The following SLC6A3 variants were observed in gnomAD, a reference collection of about 807,000 sequenced individuals.
The protein encoded by SLC6A3 is solute carrier family 6 member 3.
Under a neutral mutation model 70.4 loss-of-function variants are expected in SLC6A3, and 19 were observed. The observed-to-expected ratio is 0.27, with a 90% CI of 0.19 to 0.40. The LOEUF (loss-of-function observed/expected upper bound fraction) is 0.40. Ranked by LOEUF, SLC6A3 falls within the 10% of genes least tolerant of loss-of-function variation. The pLI, the probability that SLC6A3 is intolerant of heterozygous loss-of-function variation, is 1.00. For synonymous variants in SLC6A3, 368 were observed against 356.6 expected, an observed-to-expected ratio of 1.03 and a Z score of -0.36; for missense variants, 613 against 838.5, an observed-to-expected ratio of 0.73 and a Z score of 3.32.
At position 1,425,580 on chromosome 5, in the gene SLC6A3, T is replaced by C. The variant is rs530061933; in HGVS notation, c.654-3566A>G. Among the ~76,000 whole-genome samples, 3 of 152,176 alleles carry C rather than the reference T, an allele frequency of 2.0e-5. No homozygotes were observed. In the East Asian group the frequency reaches 5.8e-4, roughly 29 times the overall value. On this transcript the variant is annotated intron_variant, in intron 4 of 14. Transcript: ENST00000270349. ...AATATAAGGGCTAAAACCATAAAACTCTTGGAAGAGAACATAGGGTAAATT... is the reference window on the plus strand; with the variant it reads ...AATATAAGGGCTAAAACCATAAAACCCTTGGAAGAGAACATAGGGTAAATT...
Position 1,408,119 on chromosome 5 carries a change from C to T in SLC6A3, c.1498+907G>A, listed in dbSNP as rs377126999. 7.9e-5 allele frequency among the ~76,000 whole-genome samples: 12 copies of T among 151,944 alleles called. 1 individual carries two copies. The East Asian group carries it at 1.9e-3, about 24-fold the overall frequency. ...GGGTTCAAGCTGAATCATATTCCAT[C>T]GTAAGTATACCATCAGTGTCTTCAG... is the stretch of plus-strand genomic sequence containing the variant. On this transcript the variant is annotated intron_variant, in intron 11 of 14. Transcript: ENST00000270349. This position sits in a 1 kb window ranked among gnomAD's most constrained non-coding sequence, Gnocchi z 6.4.
In SLC6A3 at chr5:1,393,122, C is replaced by G. The variant is rs537076053; in HGVS notation, c.*1613G>C. 8.2e-6 allele frequency: 1 copy of G among 122,372 alleles called. No homozygotes were observed. Among genetic ancestry groups the G allele is most frequent in the East Asian group, 2.4e-4 (1 of 4,120 alleles). 7.6% of individuals were successfully genotyped at this position (122,372 alleles called of 1,614,324 possible). On this transcript the variant is annotated 3_prime_UTR_variant, in exon 15 of 15. Transcript: ENST00000270349. ...CTAACTGCAGCTGCCTGGCAGTTCACAGGCTGACGGCTCCCACCGAGCATT... is the reference window on the plus strand; with the variant it reads ...CTAACTGCAGCTGCCTGGCAGTTCAGAGGCTGACGGCTCCCACCGAGCATT...
chr5:1,417,862 T>A (rs779115282), intron 6 of SLC6A3, among the ~76,000 whole-genome samples: 10 of 152,208 alleles, frequency 6.6e-5, no homozygotes, highest in Non-Finnish European at 1.2e-4. Flanking sequence ...CAGGTGGGTC[T>A]CAGGGCATCC....
intron 4 of SLC6A3, among the ~76,000 whole-genome samples, 154 bp from the exon 5 acceptor site, chr5:1,422,168 C>T (rs1756451920): frequency 1.3e-5 from 2 of 152,342 alleles, no homozygotes; most frequent in South Asian, 4.1e-4. Flanking sequence ...GGAGGTCTGG[C>T]CCACAGGCCC....
chr5:1,416,572 C>T, intron 6 of SLC6A3: 1 of 292,994 alleles, frequency 3.4e-6, no homozygotes, highest in African/African-American at 2.2e-5. Context: ...ACAGCACGGC[C>T]TCATCTACAC....
At chr5:1,429,402 C>G (rs111549576) in intron 4 of SLC6A3, among the ~76,000 whole-genome samples, 1 of 152,234 alleles carries the variant, frequency 6.6e-6, no homozygotes, top group Non-Finnish European at 1.5e-5. Context: ...CGTGCCAGTG[C>G]GGACAGGGCT....
In SLC6A3 at chr5:1,394,741, C is replaced by T; in HGVS notation, c.1857G>A (p.Lys619=). The T allele has an allele frequency of 1.2e-6, 2 of 1,614,164 alleles. No homozygotes were observed. The highest frequency in any genetic ancestry group is 1.7e-6 in the Non-Finnish European group (2 of 1,180,016). Residue 619 remains lysine, a synonymous_variant, in exon 15 of 15, where the codon AAG becomes AAA. Transcript: ENST00000270349. The surrounding 1 kb of genome is among the most constrained non-coding windows in gnomAD (Gnocchi z 4.7). ...GTCTTCGTCTCTGCTCCCTCTACAC[C>T]TTGAGCCAGTGGCGGAGCTGGAAAG... The part of the protein sequence containing the change: ...VRQFTLRHWL[K]V
chr5:1,410,633 G>A (rs1490118517), intron 9 of SLC6A3, among the ~76,000 whole-genome samples: 2 of 152,156 alleles, frequency 1.3e-5, no homozygotes, highest in Non-Finnish European at 2.9e-5. Context: ...ATTGGTAGGT[G>A]CCAGGAACTT....
intron 4 of SLC6A3, among the ~76,000 whole-genome samples, chr5:1,422,324 C>G (rs1756456553): frequency 2.0e-5 from 3 of 152,104 alleles, no homozygotes; most frequent in South Asian, 2.1e-4. Flanking sequence ...AAAGGAGCCA[C>G]AGAAACCAAA....
At position 1,404,372 on chromosome 5, in the gene SLC6A3, C is replaced by T. The variant is rs143237357; in HGVS notation, c.1600-1283G>A. The stretch of plus-strand genomic sequence containing the variant: ...CCTGAGCATGCTTTAAAGAGCCACG[C>T]GTGCATCCCTGGACATGTCGGGCTT... On this transcript the variant is annotated intron_variant, in intron 12 of 14. Coordinates refer to ENST00000270349, the MANE Select transcript of SLC6A3 (RefSeq NM_001044.5). This position sits in a 1 kb window ranked among gnomAD's most constrained non-coding sequence, Gnocchi z 5.2. Among the ~76,000 whole-genome samples, 50 of 152,316 alleles carry T rather than the reference C, an allele frequency of 3.3e-4. No homozygotes were observed. Among genetic ancestry groups the T allele is most frequent in the African/African-American group, 1.2e-3 (48 of 41,574 alleles).
In SLC6A3 at chr5:1,403,107, G is replaced by A. The variant is rs761610559; in HGVS notation, c.1600-18C>T. ...ACCACGAACTGCAACCAGCAGATAC[G>A]GAGGTCAGGCAGCTCTCAGCCGGCG... On this transcript the variant is annotated intron_variant, in intron 12 of 14. Transcript: ENST00000270349. 6.0e-5 allele frequency: 96 copies of A among 1,612,264 alleles called. No individual in the cohort carries two copies. In the East Asian group the frequency reaches 1.0e-3, roughly 17 times the overall value.
intron 1 of SLC6A3, among the ~76,000 whole-genome samples, chr5:1,444,616 G>A (rs538570864): frequency 6.6e-6 from 1 of 152,346 alleles, no homozygotes; most frequent in Non-Finnish European, 1.5e-5. Context: ...CCCCTCCGGT[G>A]GGTAAAACAC....
chr5:1,435,342 A>G (rs1756804611), intron 3 of SLC6A3, among the ~76,000 whole-genome samples: 1 of 152,102 alleles, frequency 6.6e-6, no homozygotes, highest in Admixed American at 6.5e-5. Context: ...CAATTTGAAA[A>G]TTTTTCAAGG....
At chr5:1,422,868 ATGGTGCTGGGTGCCCAC>A in intron 4 of SLC6A3, among the ~76,000 whole-genome samples, 9 of 66,304 alleles carry the variant, frequency 1.4e-4, no homozygotes, top group Admixed American at 7.4e-4. Context: ...AGTGCTGCCC[ATGGTGCTGGGTGCCCAC>A]CGCTGCCCAC....
chr5:1,430,188 C>T (rs1409241009), intron 4 of SLC6A3, among the ~76,000 whole-genome samples: 1 of 152,142 alleles, frequency 6.6e-6, no homozygotes, highest in Non-Finnish European at 1.5e-5. Flanking sequence ...GCGCCCCAGC[C>T]TGGACTCTCT....
In SLC6A3 at chr5:1,404,652, C is replaced by T. The variant is rs756493013; in HGVS notation, c.1599+1536G>A. Among the ~76,000 whole-genome samples, 6 of 152,186 alleles carry T rather than the reference C, an allele frequency of 3.9e-5. No homozygotes were observed. The highest frequency in any genetic ancestry group is 2.1e-4 in the South Asian group (1 of 4,826). On this transcript the variant is annotated intron_variant, in intron 12 of 14. Coordinates refer to ENST00000270349, the MANE Select transcript of SLC6A3 (RefSeq NM_001044.5). This position sits in a 1 kb window ranked among gnomAD's most constrained non-coding sequence, Gnocchi z 5.2. ...CACGCCAGAGGGCAGGGGACTATGC[C>T]GCAGCCTGAAGAAACAGATGATAAC...
intron 4 of SLC6A3, among the ~76,000 whole-genome samples, chr5:1,425,893 G>A (rs778944697): frequency 9.2e-5 from 14 of 152,120 alleles, no homozygotes; most frequent in Non-Finnish European, 1.9e-4. Flanking sequence ...TATACAAATG[G>A]CCAATAAACA....
chr5:1,432,207 G>A (rs1191926365), intron 4 of SLC6A3, among the ~76,000 whole-genome samples: 1 of 152,144 alleles, frequency 6.6e-6, no homozygotes, highest in Non-Finnish European at 1.5e-5. Context: ...AGCTGCCGCT[G>A]GGAGCAGCCA....
At chr5:1,418,403 CATCT>C (rs371527274) in intron 6 of SLC6A3, among the ~76,000 whole-genome samples, 166 of 152,226 alleles carry the variant, frequency 1.1e-3, no homozygotes, top group Non-Finnish European at 1.7e-3. Context: ...ATCAATCAAT[CATCT>C]ATCTATCTAT....
Sources: gnomAD v4.1 joint callset for allele counts (sites outside exome capture counted in the v4.1 genomes callset) on GRCh38, gnomAD v4.1.1 for gene constraint, Gnocchi (gnomAD v3.1) non-coding constraint, MANE v1.5 for transcripts, NCBI Gene and HGNC (gene_info 2026-07-23, HGNC 2026-07-21) for gene names.